The following RRN3 variants were observed in gnomAD, a reference collection of about 807,000 sequenced individuals.
The protein encoded by RRN3 is RNA polymerase I-specific transcription initiation factor RRN3.
A neutral mutation model predicts 82.3 loss-of-function variants in RRN3; 38 were observed. The ratio of observed to expected loss-of-function variants is 0.46; its 90% CI spans 0.36 to 0.61. The LOEUF (loss-of-function observed/expected upper bound fraction) is 0.61, where lower values mean the gene tolerates loss of function less well. Ranked by LOEUF, RRN3 falls within the 20% of genes least tolerant of loss-of-function variation. RRN3 has a pLI of 0.00. For missense variants in RRN3, 726 were observed against 793.1 expected (o/e 0.92, Z 1.02); for synonymous variants, 284 against 284.3 (o/e 1.00, Z 0.01).
rs1366927028 is a variant in RRN3, at chr16:15,060,949, A to G, written c.*795T>C. The G allele has an allele frequency of 6.6e-6, 1 of 152,244 alleles. No individual in the cohort carries two copies. Among genetic ancestry groups the G allele is most frequent in the Non-Finnish European group, 1.5e-5 (1 of 68,048 alleles). 9.4% of individuals were successfully genotyped at this position (152,244 alleles called of 1,614,324 possible). ...CTTGAGAGCCAAGGGGTCAAATCCA[A>G]TCTCATGTGTTTTACACAAGCCCGA... On this transcript the variant is annotated 3_prime_UTR_variant, in exon 18 of 18. Coordinates refer to ENST00000198767, the MANE Select transcript of RRN3 (RefSeq NM_018427.5).
intron 6 of RRN3, among the ~76,000 whole-genome samples, chr16:15,085,176 C>G (rs1190354812): frequency 1.3e-5 from 2 of 152,184 alleles, no homozygotes; most frequent in Admixed American, 6.5e-5. Flanking sequence ...CCACCAGCAT[C>G]AACGAAAATT....
rs1427959548 is a variant in RRN3, at chr16:15,061,466, T to C, written c.*278A>G. ...GTCAAAAAGCTGTTAACACAAAAAA[T>C]GTACATATTAAACAAGCAAATCCTT... On this transcript the variant is annotated 3_prime_UTR_variant, in exon 18 of 18. Coordinates refer to ENST00000198767, the MANE Select transcript of RRN3 (RefSeq NM_018427.5). The C allele has an allele frequency of 8.1e-6, 3 of 370,322 alleles. No homozygotes were observed. Among genetic ancestry groups the C allele is most frequent in the Non-Finnish European group, 1.4e-5 (3 of 207,872 alleles). The allele number at this position is 370,322 out of a possible 1,614,324, so 22.9% of individuals were successfully genotyped here. A position where few individuals can be genotyped will look rare whatever the true frequency, so the allele number is the denominator to read the frequency against.
At position 15,089,841 on chromosome 16, in the gene RRN3, C is replaced by A. The variant is rs1315280180; in HGVS notation, c.252+1474G>T. ...TTAAAGGATCAGGAGACAGGAGGAT[C>A]AGAAACGCTGAAGTTTTAAGAAGTG... On this transcript the variant is annotated intron_variant, in intron 3 of 17. Coordinates refer to ENST00000198767, the MANE Select transcript of RRN3 (RefSeq NM_018427.5). 8.6e-5 allele frequency among the ~76,000 whole-genome samples: 12 copies of A among 139,622 alleles called. No individual in the cohort carries two copies. The Admixed American group carries it at 8.9e-4, about 10-fold the overall frequency. 91.6% of individuals were successfully genotyped at this position (139,622 alleles called of 152,430 possible).
At chr16:15,067,767 T>A (rs1219114940) in intron 15 of RRN3, among the ~76,000 whole-genome samples, 2 of 152,060 alleles carry the variant, frequency 1.3e-5, no homozygotes, top group Non-Finnish European at 2.9e-5. Context: ...GTTGTTTTTG[T>A]TTGTTTAAGA....
At chr16:15,062,271 G>A (rs1246125645) in intron 17 of RRN3, among the ~76,000 whole-genome samples, 2 of 152,180 alleles carry the variant, frequency 1.3e-5, no homozygotes, top group African/African-American at 2.4e-5. Context: ...AAACAGATTT[G>A]AAGCTCAATG....
Position 15,065,237 on chromosome 16 carries a change from T to A in RRN3, c.1688A>T (p.Asp563Val). Residue 563 changes from aspartate (D) to valine (V), a missense_variant, in exon 16 of 18, where the codon GAT becomes GTT. Asp to Val is a radical substitution (Grantham distance 152, BLOSUM62 -3). Coordinates refer to ENST00000198767, the MANE Select transcript of RRN3 (RefSeq NM_018427.5). ...TACCTACCTCTTCAGCACACAGGGA[T>A]CAAAGGGGAAGAAGGTGTCCAGCGG... ...TNPLDTFFPF[D>V]PCVLKRSKKF... is the part of the protein sequence containing the mutation. 2 of 1,613,272 alleles carry A rather than the reference T, an allele frequency of 1.2e-6. No homozygotes were observed. Among genetic ancestry groups the A allele is most frequent in the Non-Finnish European group, 1.7e-6 (2 of 1,179,646 alleles).
chr16:15,062,083 G>A (rs2044737271), intron 17 of RRN3, among the ~76,000 whole-genome samples, 178 bp from the exon 18 acceptor site: 1 of 152,228 alleles, frequency 6.6e-6, no homozygotes, highest in African/African-American at 2.4e-5. Flanking sequence ...GGAGGTGGAG[G>A]TGGGAGGACT....
chr16:15,074,011 A>G (rs1053831346), intron 11 of RRN3, among the ~76,000 whole-genome samples: 2 of 152,156 alleles, frequency 1.3e-5, no homozygotes, highest in Non-Finnish European at 2.9e-5. Context: ...ACTAAAAAAT[A>G]CTCTCCTACA....
Position 15,060,852 on chromosome 16 carries a change from A to G in RRN3, c.*892T>C, listed in dbSNP as rs953496754. The G allele has an allele frequency of 2.0e-5, 3 of 152,236 alleles. No homozygotes were observed. Among genetic ancestry groups the G allele is most frequent in the African/African-American group, 7.2e-5 (3 of 41,454 alleles). 9.4% of individuals were successfully genotyped at this position (152,236 alleles called of 1,614,324 possible). On this transcript the variant is annotated 3_prime_UTR_variant, in exon 18 of 18. Transcript: ENST00000198767. ...TGTTTCCAACAAAGAAATTCCCAAT[A>G]ACTAAGTGATGCAGATCAAAACTGA...
At position 15,072,999 on chromosome 16, in the gene RRN3, G is replaced by C. The variant is rs2045300755; in HGVS notation, c.1079C>G (p.Ala360Gly). The C allele has an allele frequency of 3.1e-6, 5 of 1,613,528 alleles. No homozygotes were observed. Among genetic ancestry groups the C allele is most frequent in the Non-Finnish European group, 4.2e-6 (5 of 1,179,796 alleles). Residue 360 changes from alanine (A) to glycine (G), a missense_variant, in exon 12 of 18, where the codon GCC becomes GGC. Ala to Gly is a moderately conservative substitution (Grantham distance 60). Coordinates refer to ENST00000198767, the MANE Select transcript of RRN3 (RefSeq NM_018427.5). Reference sequence around the variant, plus strand: ...CATGAAAAACTGTACATGGCAGGAGGCATGGGTGGGCAACAGGAGTTTGTC... The same window carrying C: ...CATGAAAAACTGTACATGGCAGGAGCCATGGGTGGGCAACAGGAGTTTGTC... ...IFDKLLLPTHASCHVQFFMFY... is the reference protein window; with the variant it reads ...IFDKLLLPTHGSCHVQFFMFY...
rs775503409 is a variant in RRN3 at position 15,086,470 on chromosome 16, G to C, written c.253-16C>G. 7.5e-6 allele frequency: 12 copies of C among 1,609,738 alleles called. No individual in the cohort carries two copies. The highest frequency in any genetic ancestry group is 4.5e-5 in the East Asian group (2 of 44,790). On this transcript the variant is annotated splice_polypyrimidine_tract_variant and intron_variant, in intron 3 of 17. Coordinates refer to ENST00000198767, the MANE Select transcript of RRN3 (RefSeq NM_018427.5). ...TCTGGTCATCCTTAAGTTAAACAAA[G>C]AGTACTTTCAAAATCACAAATCCTC...
chr16:15,084,439 C>A (rs2045833536), intron 7 of RRN3, among the ~76,000 whole-genome samples: 3 of 151,314 alleles, frequency 2.0e-5, no homozygotes, highest in African/African-American at 7.3e-5. Flanking sequence ...GATCTGCATA[C>A]AAACTTTGAA....
intron 3 of RRN3, among the ~76,000 whole-genome samples, chr16:15,086,874 G>T (rs3954027): frequency 6.6e-6 from 1 of 152,158 alleles, no homozygotes; most frequent in Non-Finnish European, 1.5e-5. Flanking sequence ...AAACTCAGTC[G>T]AGGCTGATCA....
intron 15 of RRN3, among the ~76,000 whole-genome samples, chr16:15,066,209 G>A (rs2044964030): frequency 6.6e-6 from 1 of 152,138 alleles, no homozygotes; most frequent in African/African-American, 2.4e-5. Context: ...AAACCACACT[G>A]GAGGGTGGTT....
At chr16:15,089,808 A>C (rs1239934954) in intron 3 of RRN3, among the ~76,000 whole-genome samples, 1 of 145,024 alleles carries the variant, frequency 6.9e-6, no homozygotes, top group African/African-American at 2.5e-5. Flanking sequence ...AAAAAAAAAA[A>C]AAACAGATTA....
At chr16:15,090,505 G>A (rs1049515468) in intron 3 of RRN3, among the ~76,000 whole-genome samples, 1 of 152,196 alleles carries the variant, frequency 6.6e-6, no homozygotes, top group Non-Finnish European at 1.5e-5. Flanking sequence ...AGGCTGAAGA[G>A]AAAGGATCAT....
intron 8 of RRN3, among the ~76,000 whole-genome samples, chr16:15,082,392 G>T (rs2045744503): frequency 6.6e-6 from 1 of 151,926 alleles, no homozygotes; most frequent in African/African-American, 2.4e-5. Context: ...CTCAATCTCG[G>T]CCGGTCACGG....
At chr16:15,082,520 A>T (rs2045749662) in intron 8 of RRN3, among the ~76,000 whole-genome samples, 1 of 151,934 alleles carries the variant, frequency 6.6e-6, no homozygotes, top group South Asian at 2.1e-4. Flanking sequence ...CAAAAACACA[A>T]AAATTAGCGG....
At chr16:15,088,724 A>G (rs1434384656) in intron 3 of RRN3, among the ~76,000 whole-genome samples, 1 of 152,172 alleles carries the variant, frequency 6.6e-6, no homozygotes, top group Non-Finnish European at 1.5e-5. Flanking sequence ...ATGTTTTCAG[A>G]AAACTGAAAA....
Sources: allele counts gnomAD v4.1 joint callset (sites outside exome capture counted in the v4.1 genomes callset), GRCh38; gene constraint gnomAD v4.1.1; transcripts MANE v1.5; gene names NCBI Gene and HGNC (gene_info 2026-07-23, HGNC 2026-07-21).